Variants in C4orf33 observed in about 807,000 individuals in gnomAD.
The protein encoded by C4orf33 is UPF0462 protein C4orf33.
C4orf33 carries 20 observed loss-of-function variants against 24.3 expected under a neutral mutation model. The observed-to-expected ratio is 0.82, with a 90% confidence interval of 0.58 to 1.19. C4orf33 has a LOEUF of 1.19. Ranked by LOEUF, C4orf33 falls within the 50% of genes most tolerant of loss-of-function variation. The probability of loss-of-function intolerance (pLI) is 0.00; values close to 1 mark genes in which losing one functional copy is unlikely to be tolerated. For missense variants in C4orf33, 207 were observed against 225.9 expected, an observed-to-expected ratio of 0.92 and a Z score of 0.54; for synonymous variants, 67 against 76.4, an observed-to-expected ratio of 0.88 and a Z score of 0.64.
Position 129,115,114 on chromosome 4 carries a change from G to A in C4orf33, c.*3323G>A, listed in dbSNP as rs1753753799. The A allele has an allele frequency of 1.3e-5, 2 of 152,170 alleles. No individual in the cohort carries two copies. The highest frequency in any genetic ancestry group is 1.3e-4 in the Admixed American group (2 of 15,278). The allele number at this position is 152,170 out of a possible 1,614,324, so 9.4% of individuals were successfully genotyped here. A position where few individuals can be genotyped will look rare whatever the true frequency, so the allele number is the denominator to read the frequency against. On this transcript the variant is annotated 3_prime_UTR_variant, in exon 6 of 6. Transcript: ENST00000425929. ...ACTATCAATTATAGACTTGAAATCAGTTACAGGAGCCACATAACTTGTTCC... is the reference window on the plus strand; with the variant it reads ...ACTATCAATTATAGACTTGAAATCAATTACAGGAGCCACATAACTTGTTCC...
intron 2 of C4orf33, among the ~76,000 whole-genome samples, chr4:129,104,427 CCTT>C (rs1274171398): frequency 6.6e-6 from 1 of 152,156 alleles, no homozygotes; most frequent in Non-Finnish European, 1.5e-5. Flanking sequence ...TACCTAAAAA[CCTT>C]CTCAGGATCC....
intron 1 of C4orf33, 84 bp from the exon 2 acceptor site, chr4:129,102,518 G>A (rs1353440711): frequency 3.0e-6 from 3 of 1,016,180 alleles, no homozygotes; most frequent in East Asian, 2.6e-5. Flanking sequence ...TCTGCTGTTT[G>A]GCATTGAAAT....
In C4orf33 at chr4:129,116,173, G is replaced by A. The variant is rs1753774373; in HGVS notation, c.*4382G>A. 6.6e-6 allele frequency: 1 copy of A among 151,956 alleles called. No individual in the cohort carries two copies. Among genetic ancestry groups the A allele is most frequent in the Admixed American group, 6.6e-5 (1 of 15,246 alleles). The allele number at this position is 151,956 out of a possible 1,614,324, so 9.4% of individuals were successfully genotyped here. The stretch of plus-strand genomic sequence containing the variant: ...TATTTTATTTCATAATAAATAACCA[G>A]TAATTAAAATATTCTTTTCCATGTA... On this transcript the variant is annotated 3_prime_UTR_variant, in exon 6 of 6. Transcript: ENST00000425929.
intron 3 of C4orf33, among the ~76,000 whole-genome samples, chr4:129,108,565 C>G (rs752839791): frequency 6.6e-6 from 1 of 152,136 alleles, no homozygotes; most frequent in Non-Finnish European, 1.5e-5. Context: ...TCCTAATGAG[C>G]TACCAGATAG....
intron 1 of C4orf33, among the ~76,000 whole-genome samples, chr4:129,097,031 C>T (rs1488931479): frequency 6.6e-6 from 1 of 152,174 alleles, no homozygotes; most frequent in Non-Finnish European, 1.5e-5. Context: ...GCCTCAACCT[C>T]CCGAGTAGCT....
In C4orf33 at chr4:129,115,619, T is replaced by C. The variant is rs1753760421; in HGVS notation, c.*3828T>C. ...CCTACAGTACTGATCAGCTTAAAAA[T>C]GCAATCTTAGATTGGCTTGCTTTAT... On this transcript the variant is annotated 3_prime_UTR_variant, in exon 6 of 6. Coordinates refer to ENST00000425929, the MANE Select transcript of C4orf33 (RefSeq NM_001099783.2). 6.6e-6 allele frequency: 1 copy of C among 152,016 alleles called. No homozygotes were observed. The highest frequency in any genetic ancestry group is 1.5e-5 in the Non-Finnish European group (1 of 68,002). The allele number at this position is 152,016 out of a possible 1,614,324, so 9.4% of individuals were successfully genotyped here. A position where few individuals can be genotyped will look rare whatever the true frequency, so the allele number is the denominator to read the frequency against.
chr4:129,109,449 G>C, intron 4 of C4orf33, 24 bp from the exon 5 acceptor site: 1 of 1,607,190 alleles, frequency 6.2e-7, no homozygotes, highest in Non-Finnish European at 8.5e-7. Flanking sequence ...TTTATCTTTT[G>C]TGTTTCACAT....
chr4:129,103,996 T>G (rs1167395326), intron 2 of C4orf33, among the ~76,000 whole-genome samples: 5 of 152,228 alleles, frequency 3.3e-5, no homozygotes, highest in Non-Finnish European at 7.4e-5. Flanking sequence ...GAATACACAC[T>G]AATGTGACTT....
At chr4:129,107,355 A>G (rs907608811) in intron 3 of C4orf33, among the ~76,000 whole-genome samples, 4 of 151,946 alleles carry the variant, frequency 2.6e-5, no homozygotes, top group Non-Finnish European at 1.5e-5. Flanking sequence ...TATCTAAATT[A>G]TAGCACATTT....
chr4:129,096,601 C>CT (rs1218698399), intron 1 of C4orf33, among the ~76,000 whole-genome samples: 1 of 152,128 alleles, frequency 6.6e-6, no homozygotes, highest in African/African-American at 2.4e-5. Context: ...TCTCCTTTCT[C>CT]TTCCTTCGTT....
chr4:129,100,335 T>TG (rs1304943353), intron 1 of C4orf33, among the ~76,000 whole-genome samples: 3 of 151,710 alleles, frequency 2.0e-5, no homozygotes, highest in Non-Finnish European at 4.4e-5. Context: ...TATTTTGATT[T>TG]TTTTTTTTTT....
intron 2 of C4orf33, 167 bp downstream of exon 2, chr4:129,102,958 C>CCTG (rs1246139353): frequency 3.8e-6 from 2 of 520,472 alleles, no homozygotes; most frequent in Non-Finnish European, 6.5e-6. Context: ...TTCTCCATTA[C>CCTG]CTGTGTGACT....
intron 1 of C4orf33, among the ~76,000 whole-genome samples, chr4:129,096,790 CA>C: frequency 6.6e-6 from 1 of 152,212 alleles, no homozygotes; most frequent in Non-Finnish European, 1.5e-5. Context: ...CATTGCAGGA[CA>C]GTAATCATCT....
rs925466124 is a variant in C4orf33 at position 129,113,664 on chromosome 4, T to C, written c.*1873T>C. Reference sequence around the variant, plus strand: ...TATTTATTCAGGTGCATTCTCATGCTTTTTCCCAGCTCCAGGAAAGTGTAA... The same window carrying C: ...TATTTATTCAGGTGCATTCTCATGCCTTTTCCCAGCTCCAGGAAAGTGTAA... On this transcript the variant is annotated 3_prime_UTR_variant, in exon 6 of 6. Coordinates refer to ENST00000425929, the MANE Select transcript of C4orf33 (RefSeq NM_001099783.2). The C allele has an allele frequency of 6.6e-6, 1 of 152,224 alleles. No homozygotes were observed. The highest frequency in any genetic ancestry group is 1.5e-5 in the Non-Finnish European group (1 of 68,038). The allele number at this position is 152,224 out of a possible 1,614,324, so 9.4% of individuals were successfully genotyped here. A position where few individuals can be genotyped will look rare whatever the true frequency, so the allele number is the denominator to read the frequency against.
At chr4:129,106,124 TCTC>T (rs1753509750) in intron 2 of C4orf33, among the ~76,000 whole-genome samples, 1 of 152,138 alleles carries the variant, frequency 6.6e-6, no homozygotes, top group Non-Finnish European at 1.5e-5. Flanking sequence ...ACTTAACAGT[TCTC>T]CTGTATAATA....
At position 129,113,449 on chromosome 4, in the gene C4orf33, CTT is replaced by C. The variant is rs1753728781; in HGVS notation, c.*1661_*1662del. On this transcript the variant is annotated 3_prime_UTR_variant, in exon 6 of 6. Transcript: ENST00000425929. Reference sequence around the variant, plus strand: ...ATTCTAGAAACTTGTATCCAAGAAACTTTTATTTGAGAGTGGGTGTTTGTAAT... The same window carrying C: ...ATTCTAGAAACTTGTATCCAAGAAACTTATTTGAGAGTGGGTGTTTGTAAT... The C allele has an allele frequency of 6.6e-6, 1 of 152,116 alleles. No individual in the cohort carries two copies. The highest frequency in any genetic ancestry group is 1.5e-5 in the Non-Finnish European group (1 of 67,986). The allele number at this position is 152,116 out of a possible 1,614,324, so 9.4% of individuals were successfully genotyped here. A position where few individuals can be genotyped will look rare whatever the true frequency, so the allele number is the denominator to read the frequency against.
At chr4:129,096,921 A>AT (rs1050745258) in intron 1 of C4orf33, among the ~76,000 whole-genome samples, 6 of 151,974 alleles carry the variant, frequency 3.9e-5, no homozygotes, top group South Asian at 2.1e-4. Flanking sequence ...AAATATATAT[A>AT]TTTTTTTGAG....
At chr4:129,099,962 C>T (rs992277071) in intron 1 of C4orf33, among the ~76,000 whole-genome samples, 3 of 151,502 alleles carry the variant, frequency 2.0e-5, no homozygotes, top group South Asian at 4.2e-4. Context: ...CAATAAGAAA[C>T]GAAAGTTGTT....
chr4:129,094,455 G>T (rs1334517018), upstream of C4orf33, among the ~76,000 whole-genome samples: 1 of 152,172 alleles, frequency 6.6e-6, no homozygotes, highest in African/African-American at 2.4e-5. Context: ...CATAGATGCA[G>T]CTTGATTTGG....
Sources: gnomAD v4.1 joint callset for allele counts (sites outside exome capture counted in the v4.1 genomes callset) on GRCh38, gnomAD v4.1.1 for gene constraint, MANE v1.5 for transcripts, NCBI Gene and HGNC (gene_info 2026-07-23, HGNC 2026-07-21) for gene names.